CTNS: variants seen among roughly 807,000 people sequenced by gnomAD.
The protein encoded by CTNS is cystinosin, lysosomal cystine transporter.
Under a neutral mutation model 43.7 loss-of-function variants are expected in CTNS, and 27 were observed. That is an observed-to-expected ratio of 0.62 (90% CI 0.46 to 0.85). The LOEUF is 0.85. Ranked by LOEUF, CTNS falls within the 40% of genes least tolerant of loss-of-function variation. The probability of loss-of-function intolerance (pLI) is 0.00; values close to 1 mark genes in which losing one functional copy is unlikely to be tolerated. For missense variants in CTNS, 457 were observed against 475.4 expected (o/e 0.96, Z 0.36); for synonymous variants, 187 against 190.6 (o/e 0.98, Z 0.16).
Position 3,660,806 on chromosome 17 carries a change from C to T in CTNS, c.*437C>T, listed in dbSNP as rs1378238539. The T allele has an allele frequency of 4.4e-6, 7 of 1,602,880 alleles. No homozygotes were observed. The highest frequency in any genetic ancestry group is 3.3e-5 in the South Asian group (3 of 89,892). On this transcript the variant is annotated 3_prime_UTR_variant, in exon 12 of 12. Transcript: ENST00000046640. Reference sequence around the variant, plus strand: ...TCCCAGAGATCAAGCAGCCCGGTGCCGTGGCCAGTGAACTCAGAGGTGCTG... The same window carrying T: ...TCCCAGAGATCAAGCAGCCCGGTGCTGTGGCCAGTGAACTCAGAGGTGCTG...
At chr17:3,658,931 A>G (rs933946740) in intron 10 of CTNS, among the ~76,000 whole-genome samples, 6 of 151,506 alleles carry the variant, frequency 4.0e-5, no homozygotes, top group Admixed American at 2.6e-4. Flanking sequence ...AGTGTTGAGC[A>G]TGTTGAAGCT....
intron 5 of CTNS, 36 bp downstream of exon 5, chr17:3,648,967 G>A (rs200878193): frequency 1.3e-6 from 2 of 1,510,192 alleles, no homozygotes; most frequent in Non-Finnish European, 1.8e-6. Context: ...GTAGGGAAAT[G>A]CTAGGTAACA....
At chr17:3,651,393 A>G (rs772565290) in intron 5 of CTNS, among the ~76,000 whole-genome samples, 2 of 152,048 alleles carry the variant, frequency 1.3e-5, no homozygotes, top group Non-Finnish European at 2.9e-5. Context: ...GCCTGGCCAA[A>G]GTGTCCTCTT....
At position 3,662,138 on chromosome 17, in the gene CTNS, C is replaced by G. The variant is rs1360049407; in HGVS notation, c.*1769C>G. ...CCAGCCTAGCCAACATTGCAAAACC[C>G]CATCTCTACTAAAGATACAAAAATT... On this transcript the variant is annotated 3_prime_UTR_variant, in exon 12 of 12. Coordinates refer to ENST00000046640, the MANE Select transcript of CTNS (RefSeq NM_004937.3). Among the ~76,000 whole-genome samples the G allele has an allele frequency of 2.0e-5, 3 of 152,150 alleles. No individual in the cohort carries two copies. Among genetic ancestry groups the G allele is most frequent in the Non-Finnish European group, 4.4e-5 (3 of 68,040 alleles).
chr17:3,656,922 C>T (rs1307326670), intron 9 of CTNS, 127 bp downstream of exon 9: 1 of 1,477,978 alleles, frequency 6.8e-7, no homozygotes, highest in Non-Finnish European at 9.2e-7. Context: ...AGGTCCTGTG[C>T]TGGGCATAGA....
chr17:3,636,916 G>C (rs2075542807), intron 1 of CTNS, 85 bp downstream of exon 1: 1 of 152,260 alleles, frequency 6.6e-6, no homozygotes, highest in South Asian at 2.1e-4. Flanking sequence ...CGGGGGTCCA[G>C]CGCCCTCAGC....
chr17:3,646,003 C>G (rs1000271657), intron 3 of CTNS, among the ~76,000 whole-genome samples: 1 of 151,566 alleles, frequency 6.6e-6, no homozygotes, highest in Non-Finnish European at 1.5e-5. Context: ...GGGTCTGGGT[C>G]GGGGAACCGG....
chr17:3,659,642 T>C (rs2076239399), intron 10 of CTNS, among the ~76,000 whole-genome samples: 1 of 152,196 alleles, frequency 6.6e-6, no homozygotes, highest in Non-Finnish European at 1.5e-5. Context: ...GGGCCTTTGC[T>C]TGCTGTACAT....
rs774014003 is a variant in CTNS at position 3,659,957 on chromosome 17, C to T, written c.952C>T (p.Leu318Phe). 1.2e-6 allele frequency: 2 copies of T among 1,613,496 alleles called. No homozygotes were observed. The highest frequency in any genetic ancestry group is 1.7e-6 in the Non-Finnish European group (2 of 1,179,886). The change falls in exon 11 of 12, where the codon CTC (leucine) becomes TTC (phenylalanine). Residue 318 changes from leucine to phenylalanine, a missense_variant. By Grantham distance (22) the Leu-to-Phe change is conservative (BLOSUM62 0). Coordinates refer to ENST00000046640, the MANE Select transcript of CTNS (RefSeq NM_004937.3). ...GGSFSLLQMFLQSYNNDQWTL... is the reference protein window; with the variant it reads ...GGSFSLLQMFFQSYNNDQWTL... ...CAGCTTCAGCCTCCTGCAGATGTTC[C>T]TCCAGTCCTACAACAACGGTGAGTC...
intron 3 of CTNS, among the ~76,000 whole-genome samples, chr17:3,645,830 A>G (rs1345132068): frequency 6.6e-6 from 1 of 150,480 alleles, no homozygotes; most frequent in Non-Finnish European, 1.5e-5. Flanking sequence ...ACTGCACTCC[A>G]GCCTGGGCAA....
chr17:3,637,971 G>A lies in CTNS; in HGVS notation c.-20+655G>A, dbSNP rs558162864. Among the ~76,000 whole-genome samples the A allele has an allele frequency of 5.3e-5, 8 of 152,280 alleles. No homozygotes were observed. In the South Asian group the frequency reaches 6.2e-4, roughly 12 times the overall value. On this transcript the variant is annotated intron_variant, in intron 2 of 11. Coordinates refer to ENST00000046640, the MANE Select transcript of CTNS (RefSeq NM_004937.3). ...CAGGAGACCCAGGGAGTTCCAGGTC[G>A]TAGAACAGAGGACAGGACCAACTCA...
chr17:3,643,701 G>A (rs572513205), intron 3 of CTNS, among the ~76,000 whole-genome samples: 1 of 152,082 alleles, frequency 6.6e-6, no homozygotes, highest in Non-Finnish European at 1.5e-5. Flanking sequence ...CAAGTAGCTG[G>A]GTTTGTAGAC....
chr17:3,643,890 G>C (rs2075781320), intron 3 of CTNS, among the ~76,000 whole-genome samples: 1 of 152,112 alleles, frequency 6.6e-6, no homozygotes, highest in Non-Finnish European at 1.5e-5. Flanking sequence ...TAATTAGCTG[G>C]GTGTGGTGGT....
In CTNS at chr17:3,651,483, C is replaced by T. The variant is rs560710121; in HGVS notation, c.225+2552C>T. ...GAAGCACAAACAGATCCAGCAAATC[C>T]ATGGTGTCAGTCAGGGTAGCAGTGA... On this transcript the variant is annotated intron_variant, in intron 5 of 11. Coordinates refer to ENST00000046640, the MANE Select transcript of CTNS (RefSeq NM_004937.3). Among the ~76,000 whole-genome samples the T allele has an allele frequency of 1.2e-4, 18 of 152,262 alleles. No homozygotes were observed. The East Asian group carries it at 3.1e-3, about 26-fold the overall frequency.
intron 2 of CTNS, among the ~76,000 whole-genome samples, chr17:3,639,758 T>A (rs764656052): frequency 4.6e-5 from 7 of 152,094 alleles, no homozygotes; most frequent in Non-Finnish European, 1.0e-4. Flanking sequence ...TAGACTCTTA[T>A]CCCAGGACAG....
At chr17:3,642,763 G>T (rs901396171) in intron 3 of CTNS, among the ~76,000 whole-genome samples, 13 of 152,150 alleles carry the variant, frequency 8.5e-5, no homozygotes, top group Non-Finnish European at 1.5e-4. Context: ...ACCTCATTCT[G>T]CCCTTGCTGT....
In CTNS at chr17:3,655,404, G is replaced by A. The variant is rs467277; in HGVS notation, c.461+52G>A. On this transcript the variant is annotated intron_variant, in intron 7 of 11. Coordinates refer to ENST00000046640, the MANE Select transcript of CTNS (RefSeq NM_004937.3). ...CTCTCTCGGGGCCCCTAGGAGCAGG[G>A]CGTTCCAGCAAGGCTGCCGATAGCG... The A allele has an allele frequency of 0.54, 864,127 of 1,610,322 alleles. 235,128 individuals carry two copies. The highest frequency in any genetic ancestry group is 0.73 in the East Asian group (32,664 of 44,836).
intron 2 of CTNS, among the ~76,000 whole-genome samples, chr17:3,638,313 C>A (rs1194313243): frequency 6.6e-6 from 1 of 151,734 alleles, no homozygotes; most frequent in Non-Finnish European, 1.5e-5. Context: ...TCTCGGCTCA[C>A]TGCAACCTCC....
chr17:3,648,375 GCCCAGAAGACGGC>G (rs1173462169), intron 4 of CTNS, among the ~76,000 whole-genome samples: 1 of 152,222 alleles, frequency 6.6e-6, no homozygotes, highest in Non-Finnish European at 1.5e-5. Flanking sequence ...CAGGGCCAGG[GCCCAGAAGACGGC>G]TTCCAGCCAG....
Sources: gnomAD v4.1 joint callset for allele counts (sites outside exome capture counted in the v4.1 genomes callset) on GRCh38, gnomAD v4.1.1 for gene constraint, MANE v1.5 for transcripts, NCBI Gene and HGNC (gene_info 2026-07-23, HGNC 2026-07-21) for gene names.